Variants in RGS12 observed in about 807,000 individuals in gnomAD.
The protein encoded by RGS12 is regulator of G protein signaling 12, also known as regulator of G-protein signaling 12.
A neutral mutation model predicts 120.1 loss-of-function variants in RGS12; 66 were observed. The observed-to-expected ratio is 0.55, with a 90% CI of 0.45 to 0.67. RGS12 has a LOEUF of 0.67. Ranked by LOEUF, RGS12 falls within the 30% of genes least tolerant of loss-of-function variation. The pLI is 0.00. For synonymous variants in RGS12, 827 were observed against 804.7 expected (o/e 1.03, Z -0.47); for missense variants, 1,859 against 1,957.7 (o/e 0.95, Z 0.95).
chr4:3,343,720 G>A (rs1713497028), intron 3 of RGS12, among the ~76,000 whole-genome samples: 1 of 151,844 alleles, frequency 6.6e-6, no homozygotes, highest in Admixed American at 6.6e-5. Context: ...CGAGAAAGCC[G>A]CCGCCCTGGA....
At chr4:3,408,922 G>A (rs1234000939) in intron 4 of RGS12, among the ~76,000 whole-genome samples, 1 of 152,218 alleles carries the variant, frequency 6.6e-6, no homozygotes, top group Non-Finnish European at 1.5e-5. Context: ...TGAAGGGGGC[G>A]TGGCTCTCAC....
chr4:3,358,806 T>C (rs1473275883), intron 3 of RGS12, among the ~76,000 whole-genome samples: 1 of 151,776 alleles, frequency 6.6e-6, no homozygotes, highest in Non-Finnish European at 1.5e-5. Flanking sequence ...TGTCTTTGTC[T>C]GGCTTGATGT....
At chr4:3,388,038 A>G (rs1221469544) in intron 4 of RGS12, among the ~76,000 whole-genome samples, 1 of 151,972 alleles carries the variant, frequency 6.6e-6, no homozygotes, top group South Asian at 2.1e-4. Context: ...GCTCCTCGCC[A>G]CGCTGGCTCT....
intron 4 of RGS12, among the ~76,000 whole-genome samples, chr4:3,387,904 G>A (rs1245854760): frequency 1.3e-5 from 2 of 152,206 alleles, no homozygotes; most frequent in African/African-American, 4.8e-5. Flanking sequence ...ATAGATGCAG[G>A]AACCCAGAGT....
intron 3 of RGS12, among the ~76,000 whole-genome samples, chr4:3,384,917 G>C (rs1718669820): frequency 2.0e-5 from 3 of 152,342 alleles, no homozygotes; most frequent in African/African-American, 7.2e-5. Flanking sequence ...GGCAGGCTGG[G>C]AGGCAGGGCT....
chr4:3,439,790 GC>G lies in RGS12; in HGVS notation c.*109del. 8.7e-7 allele frequency: 1 copy of G among 1,145,028 alleles called. No individual in the cohort carries two copies. Among genetic ancestry groups the G allele is most frequent in the African/African-American group, 1.6e-5 (1 of 62,620 alleles). 70.9% of individuals were successfully genotyped at this position (1,145,028 alleles called of 1,614,324 possible). ...CACCCTGGCCACCACACCCTCAGGAGCCCAGCCAGGAGGGCAGGGGGTGACC... is the reference window on the plus strand; with the variant it reads ...CACCCTGGCCACCACACCCTCAGGAGCCAGCCAGGAGGGCAGGGGGTGACC... On this transcript the variant is annotated 3_prime_UTR_variant, in exon 18 of 18. Transcript: ENST00000336727.
intron 3 of RGS12, among the ~76,000 whole-genome samples, chr4:3,347,814 G>A (rs1713964187): frequency 1.3e-5 from 2 of 152,142 alleles, no homozygotes; most frequent in Admixed American, 6.5e-5. Flanking sequence ...ATTATAATTA[G>A]CAATTGACAA....
intron 2 of RGS12, among the ~76,000 whole-genome samples, chr4:3,338,364 A>G (rs1002488249): frequency 6.6e-5 from 10 of 152,230 alleles, no homozygotes; most frequent in African/African-American, 2.4e-4. Context: ...CCAGCAATTC[A>G]TTGTTGGCAC....
In RGS12 at chr4:3,417,484, C is replaced by T. The variant is rs1474038872; in HGVS notation, c.2704C>T (p.Arg902Trp). 6.2e-6 allele frequency: 10 copies of T among 1,613,188 alleles called. No homozygotes were observed. The highest frequency in any genetic ancestry group is 1.6e-4 in the Middle Eastern group (1 of 6,080). Residue 902 changes from arginine to tryptophan, a missense_variant, in exon 9 of 18, where the codon CGG becomes TGG. Arg to Trp is a moderately radical substitution (Grantham distance 101). Around this residue, in one of 3 missense-constraint regions of RGS12, gnomAD observed 375 missense variants for 475.0 expected, o/e 0.79. Transcript: ENST00000336727. ...GAAAGGCGCGTTTTTCTCGTGGTCG[C>T]GGACCAGGAGCACCGGGAGGTCCCA... ...KRKGAFFSWS[R>W]TRSTGRSQKK...
chr4:3,313,101 A>T (rs2110391850), intron 1 of RGS12: 1 of 152,394 alleles, frequency 6.6e-6, no homozygotes, highest in Middle Eastern at 3.4e-3. Context: ...GATATTACTT[A>T]CATGAGTTAC....
rs776363775 is a variant in RGS12, at chr4:3,316,613, A to C, written c.443A>C (p.Asn148Thr). 1 of 1,614,048 alleles carries C rather than the reference A, an allele frequency of 6.2e-7. No individual in the cohort carries two copies. The highest frequency in any genetic ancestry group is 8.5e-7 in the Non-Finnish European group (1 of 1,180,044). Residue 148 changes from asparagine (N) to threonine (T), a missense_variant, in exon 2 of 18, where the codon AAT becomes ACT. Transcript: ENST00000336727. ...GAAATGCAGTCTGGTGGAATTTTCA[A>C]TATGATTTTTGAAAACCCGAGCCTT... is the stretch of plus-strand genomic sequence containing the variant. ...VEEMQSGGIF[N>T]MIFENPSLCA...
Position 3,417,395 on chromosome 4 carries a change from GA to G in RGS12, c.2619del (p.Lys873AsnfsTer8), listed in dbSNP as rs1367802883. 6.4e-7 allele frequency: 1 copy of G among 1,570,882 alleles called. No individual in the cohort carries two copies. On this transcript the variant is annotated frameshift_variant, in exon 9 of 18. Transcript: ENST00000336727. LOFTEE classifies it high-confidence loss of function. ...GTTTCCATTTGATGACAGTTAAGTG[GA>G]AAATCAAAATCCGGCCGATCCCTGA... Reference protein sequence around the residue: ...SSVSTPKKLSGKSKSGRSLNE... With the variant: ...SSVSTPKKLSXKSKSGRSLNE...
chr4:3,421,664 C>A (rs1723033444), intron 10 of RGS12, among the ~76,000 whole-genome samples: 1 of 152,242 alleles, frequency 6.6e-6, no homozygotes. Flanking sequence ...GAGGCCAGTT[C>A]ACCCCGTCCC....
chr4:3,402,343 T>C (rs1219169671), intron 4 of RGS12, among the ~76,000 whole-genome samples: 1 of 152,176 alleles, frequency 6.6e-6, no homozygotes, highest in African/African-American at 2.4e-5. Flanking sequence ...GTGTTACCTC[T>C]TTTTGGCTTA....
chr4:3,310,986 C>T (rs1030921615), intron 1 of RGS12, among the ~76,000 whole-genome samples: 1 of 152,330 alleles, frequency 6.6e-6, no homozygotes, highest in Non-Finnish European at 1.5e-5. Flanking sequence ...CATCTGCACG[C>T]GAGAATTGTA....
intron 1 of RGS12, 96 bp downstream of exon 1, chr4:3,293,195 C>A (rs1172669996): frequency 1.4e-5 from 2 of 146,358 alleles, no homozygotes; most frequent in Non-Finnish European, 3.0e-5. Flanking sequence ...CTCCGCCTCC[C>A]GGCCGATCCC....
At chr4:3,337,075 A>G (rs748318653) in intron 2 of RGS12, among the ~76,000 whole-genome samples, 27 of 152,376 alleles carry the variant, frequency 1.8e-4, no homozygotes, top group Non-Finnish European at 3.4e-4. Flanking sequence ...AAGATACACA[A>G]GTAGTCAATG....
intron 4 of RGS12, among the ~76,000 whole-genome samples, chr4:3,399,968 G>A (rs1720414294): frequency 1.3e-5 from 2 of 152,232 alleles, no homozygotes; most frequent in South Asian, 4.1e-4. Flanking sequence ...GCAGAATCAG[G>A]TCATGGCTCT....
At chr4:3,292,786 G>A (rs1447173861), upstream of RGS12, among the ~76,000 whole-genome samples, 5 of 152,072 alleles carry the variant, frequency 3.3e-5, no homozygotes, top group Non-Finnish European at 4.4e-5. Context: ...CGGAAGTCCC[G>A]CCCCCGGCCG....
Sources: allele counts gnomAD v4.1 joint callset (sites outside exome capture counted in the v4.1 genomes callset), GRCh38; gene constraint gnomAD v4.1.1; regional missense constraint gnomAD v4.1.1; transcripts MANE v1.5; gene names NCBI Gene and HGNC (gene_info 2026-07-23, HGNC 2026-07-21).